The following SNTG1 variants were observed in gnomAD, a reference collection of about 807,000 sequenced individuals.
The protein encoded by SNTG1 is gamma-1-syntrophin.
In SNTG1, 39 loss-of-function variants were observed where a neutral mutation model predicts 74.7. The ratio of observed to expected loss-of-function variants is 0.52; its 90% confidence interval spans 0.40 to 0.68. The LOEUF (loss-of-function observed/expected upper bound fraction) is 0.68, where lower values mean the gene tolerates loss of function less well. SNTG1 is among the 30% of genes least tolerant of loss of function. SNTG1 has a pLI of 0.00. For synonymous variants in SNTG1, 254 were observed against 217.1 expected, an observed-to-expected ratio of 1.17 and a Z score of -1.49; for missense variants, 685 against 609.5, an observed-to-expected ratio of 1.12 and a Z score of -1.30.
intron 1 of SNTG1, among the ~76,000 whole-genome samples, chr8:49,970,803 A>G (rs1195152988): frequency 6.6e-6 from 1 of 152,154 alleles, no homozygotes; most frequent in Non-Finnish European, 1.5e-5. Flanking sequence ...CTGGTTAGGG[A>G]ATGATGCCAG....
At chr8:50,719,917 C>A (rs895711404) in intron 17 of SNTG1, among the ~76,000 whole-genome samples, 5 of 152,032 alleles carry the variant, frequency 3.3e-5, no homozygotes, top group African/African-American at 1.2e-4. Context: ...CTGTATACTC[C>A]TCTGAATTTT....
chr8:50,504,013 C>A (rs918236878), intron 9 of SNTG1, among the ~76,000 whole-genome samples: 1 of 152,102 alleles, frequency 6.6e-6, no homozygotes, highest in African/African-American at 2.4e-5. Flanking sequence ...ACTGAAAGGC[C>A]ACAGTGTGTG....
chr8:50,635,527 T>C (rs1563675603), intron 13 of SNTG1, among the ~76,000 whole-genome samples: 1 of 152,154 alleles, frequency 6.6e-6, no homozygotes, highest in Admixed American at 6.5e-5. Context: ...TCACTCTTCC[T>C]TCCCTTTTAC....
intron 1 of SNTG1, among the ~76,000 whole-genome samples, chr8:49,946,907 T>G (rs968084469): frequency 1.1e-4 from 16 of 152,204 alleles, no homozygotes; most frequent in Admixed American, 3.3e-4. Flanking sequence ...ATATTCATAT[T>G]TTCAATGATT....
intron 1 of SNTG1, among the ~76,000 whole-genome samples, chr8:50,133,663 G>A (rs1170413895): frequency 3.9e-5 from 6 of 152,082 alleles, no homozygotes; most frequent in African/African-American, 1.4e-4. Flanking sequence ...ACAGGTCTAA[G>A]CTTACAGCTG....
At chr8:49,914,750 G>A (rs1805872047) in intron 1 of SNTG1, among the ~76,000 whole-genome samples, 1 of 152,048 alleles carries the variant, frequency 6.6e-6, no homozygotes. Context: ...TTTAGTAATT[G>A]GCTGTTTTTG....
intron 4 of SNTG1, among the ~76,000 whole-genome samples, chr8:50,404,254 A>G (rs2092842213): frequency 6.6e-6 from 1 of 152,152 alleles, no homozygotes; most frequent in African/African-American, 2.4e-5. Context: ...AACTACAAAA[A>G]CTATGTTGAA....
chr8:50,696,370 C>T (rs561709599), intron 15 of SNTG1, among the ~76,000 whole-genome samples: 1 of 151,910 alleles, frequency 6.6e-6, no homozygotes, highest in South Asian at 2.1e-4. Flanking sequence ...GGATATTAGC[C>T]CTCTCTTAGT....
At chr8:50,175,164 A>C (rs1031145096) in intron 2 of SNTG1, among the ~76,000 whole-genome samples, 1 of 152,100 alleles carries the variant, frequency 6.6e-6, no homozygotes, top group Non-Finnish European at 1.5e-5. Flanking sequence ...ATAGTGCCGC[A>C]ATAAACATAC....
chr8:50,368,986 G>A (rs574404471), intron 2 of SNTG1, among the ~76,000 whole-genome samples: 1 of 152,268 alleles, frequency 6.6e-6, no homozygotes, highest in Admixed American at 6.5e-5. Context: ...TGTACCTCAA[G>A]TCTCATTCAT....
At chr8:50,074,314 A>G (rs1821631973) in intron 1 of SNTG1, among the ~76,000 whole-genome samples, 1 of 152,206 alleles carries the variant, frequency 6.6e-6, no homozygotes, top group Admixed American at 6.5e-5. Flanking sequence ...CAGCCTTCAT[A>G]GAATTGAGAG....
Position 50,274,925 on chromosome 8 carries a change from C to CTTTTGATTA in SNTG1, c.-28+102294_-28+102302dup, listed in dbSNP as rs1273658307. ...TTCCACTCGGTAGTACTATGTAATT[C>CTTTTGATTA]TTTTGATTATTTCGATTACAATTCT... On this transcript the variant is annotated intron_variant, in intron 2 of 18. Coordinates refer to ENST00000642720, the MANE Select transcript of SNTG1 (RefSeq NM_018967.5). Among the ~76,000 whole-genome samples, 6 of 152,222 alleles carry CTTTTGATTA rather than the reference C, an allele frequency of 3.9e-5. No individual in the cohort carries two copies. In the East Asian group the frequency reaches 9.6e-4, roughly 24 times the overall value.
intron 1 of SNTG1, among the ~76,000 whole-genome samples, chr8:49,956,781 AG>A (rs1428678521): frequency 6.6e-6 from 1 of 152,050 alleles, no homozygotes; most frequent in Non-Finnish European, 1.5e-5. Flanking sequence ...AGGAAAACAA[AG>A]AAAAAAAATG....
At chr8:50,524,915 T>G (rs910844566) in intron 9 of SNTG1, among the ~76,000 whole-genome samples, 1 of 152,168 alleles carries the variant, frequency 6.6e-6, no homozygotes, top group Non-Finnish European at 1.5e-5. Flanking sequence ...CAATAAAAAT[T>G]ACTATGAATA....
At chr8:50,568,690 T>A (rs140936783) in intron 12 of SNTG1, among the ~76,000 whole-genome samples, 6 of 152,340 alleles carry the variant, frequency 3.9e-5, no homozygotes, top group East Asian at 3.9e-4. Context: ...ATTTTTTTAG[T>A]TGAGTTATGT....
intron 15 of SNTG1, among the ~76,000 whole-genome samples, chr8:50,689,758 C>G (rs1412330378): frequency 2.0e-5 from 3 of 152,122 alleles, no homozygotes; most frequent in Non-Finnish European, 4.4e-5. Context: ...TGATGCTGGC[C>G]TCATAAAATG....
At chr8:50,353,050 A>G (rs919356199) in intron 2 of SNTG1, among the ~76,000 whole-genome samples, 17 of 152,260 alleles carry the variant, frequency 1.1e-4, no homozygotes, top group African/African-American at 4.1e-4. Context: ...TGTGGCACAT[A>G]TACACCATGG....
intron 9 of SNTG1, among the ~76,000 whole-genome samples, chr8:50,511,567 T>A (rs1047849265): frequency 1.3e-5 from 2 of 152,156 alleles, no homozygotes; most frequent in Non-Finnish European, 2.9e-5. Context: ...TTTGTAGGTC[T>A]CTAAGGACTT....
chr8:50,778,050 G>C (rs547434730), intron 18 of SNTG1, among the ~76,000 whole-genome samples: 1 of 152,146 alleles, frequency 6.6e-6, no homozygotes, highest in East Asian at 1.9e-4. Flanking sequence ...TTTTATGGCC[G>C]CATAGTATTC....
Sources: gnomAD v4.1 joint callset for allele counts (sites outside exome capture counted in the v4.1 genomes callset) on GRCh38, gnomAD v4.1.1 for gene constraint, MANE v1.5 for transcripts, NCBI Gene and HGNC (gene_info 2026-07-23, HGNC 2026-07-21) for gene names.